NFIB: variants seen among roughly 807,000 people sequenced by gnomAD.
The protein encoded by NFIB is nuclear factor I B, also known as nuclear factor 1 B-type.
NFIB carries 11 observed loss-of-function variants against 61.5 expected under a neutral mutation model. That is an observed-to-expected ratio of 0.18 (90% confidence interval 0.11 to 0.30). The LOEUF (loss-of-function observed/expected upper bound fraction) is 0.30, where lower values mean the gene tolerates loss of function less well. Among genes scored for constraint, NFIB ranks in the 10% least tolerant of loss-of-function variants. NFIB has a pLI of 1.00. For synonymous variants in NFIB, 260 were observed against 216.5 expected (o/e 1.20, Z -1.76); for missense variants, 471 against 608.9 (o/e 0.77, Z 2.38).
intron 2 of NFIB, among the ~76,000 whole-genome samples, chr9:14,254,546 A>G (rs1484797095): frequency 6.6e-6 from 1 of 152,154 alleles, no homozygotes; most frequent in Admixed American, 6.5e-5. Context: ...TCGTTTGCTG[A>G]TTTGAAGTGA....
chr9:14,389,040 T>C (rs972196685), intron 1 of NFIB, among the ~76,000 whole-genome samples: 7 of 152,320 alleles, frequency 4.6e-5, no homozygotes, highest in South Asian at 2.1e-4. Flanking sequence ...CCAGTGATCA[T>C]AGTGTGTAGC....
chr9:14,130,413 C>T (rs921437680), intron 6 of NFIB, among the ~76,000 whole-genome samples: 5 of 152,146 alleles, frequency 3.3e-5, no homozygotes, highest in African/African-American at 1.2e-4. Flanking sequence ...CTCCTTATTC[C>T]ACGCATAGAA....
intron 6 of NFIB, among the ~76,000 whole-genome samples, chr9:14,127,989 C>T (rs2039896495): frequency 6.7e-6 from 1 of 148,504 alleles, no homozygotes; most frequent in Non-Finnish European, 1.5e-5. Context: ...CAATTAATGC[C>T]ACTATAAAAA....
chr9:14,187,670 G>C (rs888353897), intron 2 of NFIB, among the ~76,000 whole-genome samples: 1 of 152,076 alleles, frequency 6.6e-6, no homozygotes, highest in Non-Finnish European at 1.5e-5. Flanking sequence ...TAGGTACAAA[G>C]AGTCATATCC....
At chr9:14,418,211 C>T in the NFIB span, among the ~76,000 whole-genome samples, 1 of 152,126 alleles carries the variant, frequency 6.6e-6, no homozygotes, top group Non-Finnish European at 1.5e-5. Context: ...CGTCCCTGCA[C>T]CCCCACCCTC....
the NFIB span, among the ~76,000 whole-genome samples, chr9:14,447,762 T>A: frequency 6.6e-6 from 1 of 152,148 alleles, no homozygotes; most frequent in African/African-American, 2.4e-5. Context: ...CTGGGATTTA[T>A]GTCCCATTCC....
upstream of NFIB, among the ~76,000 whole-genome samples, chr9:14,319,029 C>T (rs2132807462): frequency 6.6e-6 from 1 of 152,180 alleles, no homozygotes; most frequent in South Asian, 2.1e-4. Flanking sequence ...TGGTTAGTTT[C>T]CCCACCCCCA....
At chr9:14,230,270 A>G (rs552937386) in intron 2 of NFIB, among the ~76,000 whole-genome samples, 3 of 152,356 alleles carry the variant, frequency 2.0e-5, no homozygotes, top group African/African-American at 2.4e-5. Context: ...CTGGATAGAC[A>G]TATGTCAGAG....
chr9:14,197,356 A>T (rs958842507), intron 2 of NFIB, among the ~76,000 whole-genome samples: 8 of 69,584 alleles, frequency 1.1e-4, no homozygotes, highest in African/African-American at 4.5e-4. Context: ...ATCTGATAGG[A>T]TGTCCCTAAC....
chr9:14,241,507 T>C (rs1460521135), intron 2 of NFIB, among the ~76,000 whole-genome samples: 1 of 132,004 alleles, frequency 7.6e-6, no homozygotes, highest in South Asian at 2.3e-4. Flanking sequence ...GCATATTACA[T>C]AATTCAAAAA....
At chr9:14,177,991 G>T (rs957186202) in intron 3 of NFIB, among the ~76,000 whole-genome samples, 2 of 152,138 alleles carry the variant, frequency 1.3e-5, no homozygotes, top group African/African-American at 4.8e-5. Flanking sequence ...TTCTGTACAT[G>T]TTCAGAAATG....
the NFIB span, among the ~76,000 whole-genome samples, chr9:14,510,174 G>T: frequency 6.6e-6 from 1 of 152,218 alleles, no homozygotes; most frequent in Non-Finnish European, 1.5e-5. Flanking sequence ...GGGATTACAG[G>T]CGTGAGCCAC....
rs139183435 is a variant in NFIB at position 14,179,797 on chromosome 9, G to A, written c.563-17C>T. Reference sequence around the variant, plus strand: ...GTCCAGAATCTGTAAAGAAATCACAGAAAATGTTTTCTTTTTAATTTGTTT... The same window carrying A: ...GTCCAGAATCTGTAAAGAAATCACAAAAAATGTTTTCTTTTTAATTTGTTT... On this transcript the variant is annotated splice_polypyrimidine_tract_variant and intron_variant, in intron 2 of 10. Coordinates refer to ENST00000380953, the MANE Select transcript of NFIB (RefSeq NM_001190737.2). 1,690 of 1,611,202 alleles carry A rather than the reference G, an allele frequency of 1.0e-3. 15 individuals are homozygous for A. Among genetic ancestry groups the A allele is most frequent in the South Asian group, 8.8e-3 (801 of 90,694 alleles).
the NFIB span, among the ~76,000 whole-genome samples, chr9:14,410,059 G>C: frequency 1.3e-5 from 2 of 152,020 alleles, no homozygotes; most frequent in Non-Finnish European, 2.9e-5. Flanking sequence ...GATATAGGGG[G>C]TGAGGGGCAG....
intron 1 of NFIB, among the ~76,000 whole-genome samples, chr9:14,394,443 G>A (rs1028613772): frequency 1.3e-5 from 2 of 152,120 alleles, no homozygotes; most frequent in Admixed American, 1.3e-4. Context: ...TAATAATGGT[G>A]GAAGGCAAAA....
chr9:14,477,966 C>A, the NFIB span, among the ~76,000 whole-genome samples: 8 of 152,210 alleles, frequency 5.3e-5, no homozygotes, highest in East Asian at 1.9e-4. Flanking sequence ...CACCCCACCC[C>A]CCATTCTATG....
chr9:14,140,625 C>T (rs780369165), intron 6 of NFIB, among the ~76,000 whole-genome samples: 1 of 152,118 alleles, frequency 6.6e-6, no homozygotes, highest in African/African-American at 2.4e-5. Context: ...TTTCACATTC[C>T]TAAACTCACA....
intron 2 of NFIB, among the ~76,000 whole-genome samples, chr9:14,258,879 A>G (rs545631384): frequency 1.3e-4 from 20 of 152,310 alleles, no homozygotes; most frequent in Admixed American, 9.1e-4. Context: ...CCCCAGGACT[A>G]ACAAACACAC....
chr9:14,176,533 G>C (rs1432845014), intron 3 of NFIB, among the ~76,000 whole-genome samples: 1 of 152,012 alleles, frequency 6.6e-6, no homozygotes, highest in Non-Finnish European at 1.5e-5. Flanking sequence ...CTACTTAAAA[G>C]CTCTATAAAA....
Sources: gnomAD v4.1 joint callset for allele counts (sites outside exome capture counted in the v4.1 genomes callset) on GRCh38, gnomAD v4.1.1 for gene constraint, MANE v1.5 for transcripts, NCBI Gene and HGNC (gene_info 2026-07-23, HGNC 2026-07-21) for gene names.